Variants in STARD13 observed in about 807,000 individuals in gnomAD.
STARD13 encodes the protein StAR related lipid transfer domain containing 13, also known as stAR-related lipid transfer protein 13.
Under a neutral mutation model 106.4 loss-of-function variants are expected in STARD13, and 62 were observed. The observed-to-expected ratio is 0.58, with a 90% CI of 0.48 to 0.72. The LOEUF is 0.72. STARD13 is among the 30% of genes least tolerant of loss of function. The pLI is 0.00. For synonymous variants in STARD13, 565 were observed against 553.0 expected (o/e 1.02, Z -0.31); for missense variants, 1,387 against 1,424.0 (o/e 0.97, Z 0.42).
chr13:33,425,110 T>G, the STARD13 span, among the ~76,000 whole-genome samples: 2 of 152,328 alleles, frequency 1.3e-5, no homozygotes, highest in Non-Finnish European at 2.9e-5. Flanking sequence ...AACTGTAGCC[T>G]CACTTTATGC....
At chr13:33,424,038 A>T in the STARD13 span, among the ~76,000 whole-genome samples, 1 of 152,158 alleles carries the variant, frequency 6.6e-6, no homozygotes, top group Non-Finnish European at 1.5e-5. Context: ...GCACATGTAT[A>T]CCTATGTAAC....
At chr13:33,582,927 T>G in the STARD13 span, among the ~76,000 whole-genome samples, 1 of 152,220 alleles carries the variant, frequency 6.6e-6, no homozygotes, top group Non-Finnish European at 1.5e-5. Context: ...CTTGCCCAAT[T>G]TCGGCTTCCA....
chr13:33,204,425 C>G (rs1443873575), intron 1 of STARD13, among the ~76,000 whole-genome samples: 2 of 152,194 alleles, frequency 1.3e-5, no homozygotes, highest in Non-Finnish European at 2.9e-5. Flanking sequence ...CTGTAGGAAA[C>G]AGGCTAAGCT....
At chr13:33,519,216 CTTTCTTTCTTTCTT>C in the STARD13 span, among the ~76,000 whole-genome samples, 1 of 106,844 alleles carries the variant, frequency 9.4e-6, no homozygotes, top group Non-Finnish European at 2.0e-5. Flanking sequence ...TTTTTTCTTT[CTTTCTTTCTTTCTT>C]TCTTTCTTTC....
At position 33,237,514 on chromosome 13, in the gene STARD13, C is replaced by A. The variant is rs1017230910; in HGVS notation, c.169+47956G>T. 7.2e-5 allele frequency among the ~76,000 whole-genome samples: 11 copies of A among 152,328 alleles called. No individual in the cohort carries two copies. The East Asian group carries it at 1.9e-3, about 27-fold the overall frequency. ...TGTTTTGCAGTAGTCTCACTTCCCA[C>A]ATGAACTATTGCAATGAACTATTTT... On this transcript the variant is annotated intron_variant, in intron 1 of 13. Transcript: ENST00000336934.
intron 1 of STARD13, among the ~76,000 whole-genome samples, chr13:33,283,096 G>T (rs1045625157): frequency 1.3e-5 from 2 of 152,144 alleles, no homozygotes; most frequent in East Asian, 1.9e-4. Context: ...GGTAGTAACT[G>T]GTTAAAGAGA....
the STARD13 span, among the ~76,000 whole-genome samples, chr13:33,383,945 C>T: frequency 3.3e-5 from 5 of 151,986 alleles, no homozygotes; most frequent in Non-Finnish European, 5.9e-5. Flanking sequence ...TAAATGTATA[C>T]AGCAGGGAGC....
Position 33,128,425 on chromosome 13 carries a change from C to T in STARD13, c.1748+504G>A, listed in dbSNP as rs144330870. On this transcript the variant is annotated intron_variant, in intron 5 of 13. Coordinates refer to ENST00000336934, the MANE Select transcript of STARD13 (RefSeq NM_178006.4). ...CCATTTTTCTATGGTGCTTCTGAAA[C>T]GGTCTTTGTAGGTCAGCTTTGATGT... is the stretch of plus-strand genomic sequence containing the variant. Among the ~76,000 whole-genome samples the T allele has an allele frequency of 4.2e-3, 647 of 152,264 alleles. 7 individuals carry two copies. The highest frequency in any genetic ancestry group is 0.015 in the African/African-American group (609 of 41,548).
chr13:33,635,358 G>A, the STARD13 span, among the ~76,000 whole-genome samples: 1 of 152,150 alleles, frequency 6.6e-6, no homozygotes, highest in African/African-American at 2.4e-5. Flanking sequence ...GTGAGAAAAT[G>A]GATATAAAAA....
chr13:33,586,617 T>C, the STARD13 span, among the ~76,000 whole-genome samples: 3 of 152,168 alleles, frequency 2.0e-5, no homozygotes, highest in African/African-American at 7.2e-5. Context: ...CATGCCAACT[T>C]AGTGAAAGAG....
At chr13:33,512,593 G>T in the STARD13 span, among the ~76,000 whole-genome samples, 1 of 151,914 alleles carries the variant, frequency 6.6e-6, no homozygotes, top group African/African-American at 2.4e-5. Context: ...TCAGCCTCCC[G>T]AGTAGTTGGG....
the STARD13 span, among the ~76,000 whole-genome samples, chr13:33,518,401 C>T: frequency 1.3e-5 from 2 of 152,010 alleles, no homozygotes; most frequent in South Asian, 2.1e-4. Flanking sequence ...GTTAGAAAGC[C>T]GCCTACCTGT....
intron 12 of STARD13, 100 bp downstream of exon 12, chr13:33,109,773 A>T: frequency 9.1e-7 from 1 of 1,104,328 alleles, no homozygotes; most frequent in Non-Finnish European, 1.4e-6. Context: ...TTCCCCGTGG[A>T]GGCTGGACTT....
intron 8 of STARD13, 85 bp from the exon 9 acceptor site, chr13:33,113,016 C>G: frequency 1.0e-6 from 1 of 962,976 alleles, no homozygotes; most frequent in Non-Finnish European, 1.6e-6. Flanking sequence ...CCACATTCCT[C>G]GTGTGAACAC....
At chr13:33,528,276 T>C in the STARD13 span, among the ~76,000 whole-genome samples, 338 of 101,074 alleles carry the variant, frequency 3.3e-3, 4 homozygotes, top group African/African-American at 0.02. Flanking sequence ...ATATATATAC[T>C]CTTTTTTTTT....
chr13:33,180,677 G>C (rs1885145540), intron 1 of STARD13, among the ~76,000 whole-genome samples: 1 of 152,320 alleles, frequency 6.6e-6, no homozygotes, highest in East Asian at 1.9e-4. Flanking sequence ...TGAGAAACAT[G>C]CTAGGTGTAT....
chr13:33,528,188 T>TATACAC, the STARD13 span, among the ~76,000 whole-genome samples: 2 of 137,752 alleles, frequency 1.5e-5, no homozygotes, highest in African/African-American at 5.9e-5. Flanking sequence ...TATATATATA[T>TATACAC]ACACACACAC....
the STARD13 span, among the ~76,000 whole-genome samples, chr13:33,360,158 C>G: frequency 6.6e-6 from 1 of 152,122 alleles, no homozygotes; most frequent in Non-Finnish European, 1.5e-5. Context: ...GGGGGAGCCT[C>G]AAGATGTAAT....
the STARD13 span, among the ~76,000 whole-genome samples, chr13:33,612,113 G>C: frequency 6.6e-6 from 1 of 152,166 alleles, no homozygotes; most frequent in African/African-American, 2.4e-5. Context: ...TAGGTTCTAA[G>C]GGGCTAAAAT....
Sources: allele counts gnomAD v4.1 joint callset (sites outside exome capture counted in the v4.1 genomes callset), GRCh38; gene constraint gnomAD v4.1.1; transcripts MANE v1.5; gene names NCBI Gene and HGNC (gene_info 2026-07-23, HGNC 2026-07-21).